Variants in DIAPH2 observed in about 807,000 individuals in gnomAD.
The protein encoded by DIAPH2 is diaphanous related formin 2, also known as protein diaphanous homolog 2.
DIAPH2 carries 35 observed loss-of-function variants against 92.7 expected under a neutral mutation model. The observed-to-expected ratio is 0.38, with a 90% confidence interval of 0.29 to 0.50. The LOEUF is 0.50. DIAPH2 is among the 20% of genes least tolerant of loss of function. The pLI is 0.94. For synonymous variants in DIAPH2, 301 were observed against 280.4 expected (o/e 1.07, Z -0.73); for missense variants, 701 against 819.5 (o/e 0.86, Z 1.77).
At chrX:97,041,496 T>G (rs1449645246) in intron 17 of DIAPH2, among the ~76,000 whole-genome samples, 3 of 111,459 alleles carry the variant, frequency 2.7e-5, no homozygotes, top group Non-Finnish European at 5.7e-5. Context: ...TCTTTATATC[T>G]TCCCTGTTAG....
At chrX:96,691,409 T>C (rs1400046451) in intron 1 of DIAPH2, among the ~76,000 whole-genome samples, 1 of 112,359 alleles carries the variant, frequency 8.9e-6, no homozygotes, top group Admixed American at 9.4e-5. Context: ...AACTGATGCA[T>C]TTAAAGAAAG....
intron 14 of DIAPH2, among the ~76,000 whole-genome samples, chrX:96,948,183 A>G (rs2147808927): frequency 8.9e-6 from 1 of 112,663 alleles, no homozygotes; most frequent in South Asian, 3.7e-4. Flanking sequence ...GAGCATTCTA[A>G]AAGTGCAATT....
intron 4 of DIAPH2, among the ~76,000 whole-genome samples, chrX:96,868,032 C>G (rs1295402428): frequency 8.9e-6 from 1 of 111,902 alleles, no homozygotes; most frequent in East Asian, 2.8e-4. Flanking sequence ...TTGCCAATTA[C>G]AATGTGAATA....
At chrX:97,544,794 C>T (rs753561394) in intron 26 of DIAPH2, among the ~76,000 whole-genome samples, 22 of 112,056 alleles carry the variant, frequency 2.0e-4, no homozygotes, top group Non-Finnish European at 3.6e-4. Context: ...TTCATGTTTT[C>T]ATCTTAGAAA....
intron 22 of DIAPH2, among the ~76,000 whole-genome samples, chrX:97,200,154 G>A (rs1318716428): frequency 8.9e-6 from 1 of 111,978 alleles, no homozygotes; most frequent in African/African-American, 3.2e-5. Context: ...TGTGCTACCC[G>A]CCCCAGATAC....
intron 22 of DIAPH2, among the ~76,000 whole-genome samples, chrX:97,233,098 C>G (rs1423238666): frequency 8.9e-6 from 1 of 112,160 alleles, no homozygotes; most frequent in East Asian, 2.8e-4. Context: ...TCCATGGGGG[C>G]AAAGACAGTG....
intron 14 of DIAPH2, among the ~76,000 whole-genome samples, chrX:96,948,470 G>A (rs2065752149): frequency 9.0e-6 from 1 of 111,551 alleles, no homozygotes. Context: ...CTACTTGAGA[G>A]GCTGAGGCAG....
At chrX:97,114,557 G>C (rs184572276) in intron 20 of DIAPH2, among the ~76,000 whole-genome samples, 169 bp from the exon 21 acceptor site, 4 of 111,925 alleles carry the variant, frequency 3.6e-5, no homozygotes, top group Non-Finnish European at 7.5e-5. Context: ...TTTAAACTTT[G>C]ATAAACTATT....
intron 17 of DIAPH2, among the ~76,000 whole-genome samples, chrX:97,031,354 G>C (rs190300201): frequency 7.0e-5 from 7 of 100,118 alleles, no homozygotes; most frequent in East Asian, 3.8e-4. Context: ...GGGCGGGAGG[G>C]GGGGGGACAT....
chrX:97,583,277 G>A (rs113505956), intron 26 of DIAPH2, among the ~76,000 whole-genome samples: 40,758 of 104,684 alleles, frequency 0.39, 6,500 homozygotes, highest in South Asian at 0.57. Flanking sequence ...CAGTTTTTCT[G>A]TTCTGTTTTT....
chrX:97,167,672 C>A (rs975301783), intron 22 of DIAPH2, among the ~76,000 whole-genome samples: 3 of 111,604 alleles, frequency 2.7e-5, no homozygotes, highest in Non-Finnish European at 3.8e-5. Context: ...AAATATTTTT[C>A]TAAAGCAGTT....
intron 23 of DIAPH2, among the ~76,000 whole-genome samples, chrX:97,249,377 A>G (rs1037026698): frequency 2.7e-5 from 3 of 112,033 alleles, no homozygotes; most frequent in Non-Finnish European, 3.8e-5. Flanking sequence ...CTGTATCTGT[A>G]TGTTACAGAT....
chrX:97,472,780 A>G (rs2070573426), intron 26 of DIAPH2, among the ~76,000 whole-genome samples: 1 of 112,381 alleles, frequency 8.9e-6, no homozygotes, highest in Non-Finnish European at 1.9e-5. Context: ...TCATCACAGT[A>G]TCTCTAGTGT....
intron 1 of DIAPH2, among the ~76,000 whole-genome samples, chrX:96,730,336 A>G (rs2147560468): frequency 8.9e-6 from 1 of 112,211 alleles, no homozygotes; most frequent in Admixed American, 9.5e-5. Flanking sequence ...GAAAATCTTT[A>G]TAATAAAGCA....
At chrX:97,078,220 T>C (rs1446272496) in intron 19 of DIAPH2, among the ~76,000 whole-genome samples, 1 of 111,106 alleles carries the variant, frequency 9.0e-6, no homozygotes, top group African/African-American at 3.3e-5. Context: ...AGGTAGGGAG[T>C]TTATACTTAT....
In DIAPH2 at chrX:97,600,594, A is replaced by AGTT. The variant is rs754603045; in HGVS notation, c.*1278_*1280dup. On this transcript the variant is annotated 3_prime_UTR_variant, in exon 27 of 27. Coordinates refer to ENST00000324765, the MANE Select transcript of DIAPH2 (RefSeq NM_006729.5). ...TTTCTTAAATAAATTAGGGAGTAAA[A>AGTT]GTTATACTTAACTTGTCTGTCTATT... 5.3e-5 allele frequency: 6 copies of AGTT among 112,518 alleles called. No homozygotes were observed. The highest frequency in any genetic ancestry group is 3.7e-4 in the South Asian group (1 of 2,710). 9.3% of individuals were successfully genotyped at this position (112,518 alleles called of 1,213,427 possible). A position where few individuals can be genotyped will look rare whatever the true frequency, so the allele number is the denominator to read the frequency against.
chrX:97,041,766 A>T (rs2066450055), intron 17 of DIAPH2, among the ~76,000 whole-genome samples: 1 of 111,755 alleles, frequency 8.9e-6, no homozygotes, highest in Non-Finnish European at 1.9e-5. Context: ...AGAAAACAAT[A>T]GGAAGACTTA....
At chrX:96,825,522 C>A (rs944536717) in intron 4 of DIAPH2, among the ~76,000 whole-genome samples, 13 of 109,986 alleles carry the variant, frequency 1.2e-4, no homozygotes, top group African/African-American at 4.0e-4. Flanking sequence ...CTATTTCTTG[C>A]TGTGTAAGTC....
intron 17 of DIAPH2, among the ~76,000 whole-genome samples, chrX:97,026,772 T>G (rs1033829398): frequency 8.9e-6 from 1 of 112,476 alleles, no homozygotes; most frequent in African/African-American, 3.2e-5. Flanking sequence ...GTTTTTTTTG[T>G]TTGTTTGTTT....
Sources: allele counts gnomAD v4.1 joint callset (sites outside exome capture counted in the v4.1 genomes callset), GRCh38; gene constraint gnomAD v4.1.1; transcripts MANE v1.5; gene names NCBI Gene and HGNC (gene_info 2026-07-23, HGNC 2026-07-21).